The following UST variants were observed in gnomAD, a reference collection of about 807,000 sequenced individuals.
UST encodes uronyl 2-sulfotransferase, also known as chondroitin sulfate 2-O-sulfotransferase.
A neutral mutation model predicts 45.6 loss-of-function variants in UST; 21 were observed. That is an observed-to-expected ratio of 0.46 (90% CI 0.33 to 0.66). UST has a LOEUF of 0.66. UST is among the 30% of genes least tolerant of loss of function. UST has a pLI of 0.02. For synonymous variants in UST, 215 were observed against 200.6 expected, an observed-to-expected ratio of 1.07 and a Z score of -0.61; for missense variants, 463 against 512.4, an observed-to-expected ratio of 0.90 and a Z score of 0.93.
chr6:148,820,327 T>A (rs73778910), intron 1 of UST, among the ~76,000 whole-genome samples: 1,868 of 151,910 alleles, frequency 0.012, 26 homozygotes, highest in African/African-American at 0.043. Flanking sequence ...TGTGTGTGCA[T>A]ATACACATTC....
At chr6:149,065,545 A>G (rs528181411) in intron 7 of UST, among the ~76,000 whole-genome samples, 2 of 152,296 alleles carry the variant, frequency 1.3e-5, no homozygotes, top group South Asian at 4.1e-4. Context: ...GTTATGGTGC[A>G]GTACTTAAAG....
chr6:148,784,048 C>T (rs192433848), intron 1 of UST, among the ~76,000 whole-genome samples: 1 of 152,206 alleles, frequency 6.6e-6, no homozygotes, highest in East Asian at 1.9e-4. Flanking sequence ...CTGTAATTTA[C>T]GGCATATCAC....
intron 7 of UST, among the ~76,000 whole-genome samples, chr6:149,034,834 TTCTCTCTC>T (rs60813679): frequency 0.014 from 620 of 45,528 alleles, 5 homozygotes; most frequent in Admixed American, 0.021. Context: ...TTCATGCTCA[TTCTCTCTC>T]TCTCTCTCTC....
At chr6:148,818,572 C>T (rs960538476) in intron 1 of UST, among the ~76,000 whole-genome samples, 6 of 152,126 alleles carry the variant, frequency 3.9e-5, no homozygotes, top group African/African-American at 1.4e-4. Flanking sequence ...CAGGTTCAGA[C>T]GTAAATGTTT....
At chr6:148,920,865 G>A (rs1475409145) in intron 2 of UST, among the ~76,000 whole-genome samples, 2 of 152,216 alleles carry the variant, frequency 1.3e-5, no homozygotes, top group Non-Finnish European at 2.9e-5. Flanking sequence ...CTCTTTAAGA[G>A]ATGGTGTGTT....
At chr6:148,877,662 AGGGGTCATGTATG>A (rs1778708987) in intron 1 of UST, among the ~76,000 whole-genome samples, 1 of 27,972 alleles carries the variant, frequency 3.6e-5, no homozygotes, top group Non-Finnish European at 6.8e-5. Context: ...TATGAGTGCG[AGGGGTCATGTATG>A]AGTGCAGGGG....
intron 5 of UST, among the ~76,000 whole-genome samples, chr6:149,011,811 C>CA (rs1775816931): frequency 6.6e-6 from 1 of 151,972 alleles, no homozygotes; most frequent in African/African-American, 2.4e-5. Flanking sequence ...GACTTCATCT[C>CA]AAAAAACAAA....
In UST at chr6:148,844,584, A is replaced by T. The variant is rs148672892; in HGVS notation, c.248-42402A>T. On this transcript the variant is annotated intron_variant, in intron 1 of 7. Transcript: ENST00000367463. ...CTGTCTGCTCCAGCCACTCAGGATT[A>T]GGGCTGCCTGTTCTTTATTTAAATC... Among the ~76,000 whole-genome samples the T allele has an allele frequency of 6.4e-3, 968 of 152,260 alleles. 9 individuals are homozygous for T. Among genetic ancestry groups the T allele is most frequent in the African/African-American group, 0.022 (933 of 41,554 alleles).
chr6:149,075,741 G>A lies in UST; in HGVS notation c.*1625G>A, dbSNP rs1317279417. On this transcript the variant is annotated 3_prime_UTR_variant, in exon 8 of 8. Transcript: ENST00000367463. ...GAGGTTCAGTGGTGGCAGCAGGAAGGACACTGCCACAAATTTTGTCTATTT... is the reference window on the plus strand; with the variant it reads ...GAGGTTCAGTGGTGGCAGCAGGAAGAACACTGCCACAAATTTTGTCTATTT... The A allele has an allele frequency of 3.3e-5, 5 of 152,198 alleles. No homozygotes were observed. Among genetic ancestry groups the A allele is most frequent in the South Asian group, 2.1e-4 (1 of 4,830 alleles). 9.4% of individuals were successfully genotyped at this position (152,198 alleles called of 1,614,324 possible). A position where few individuals can be genotyped will look rare whatever the true frequency, so the allele number is the denominator to read the frequency against.
chr6:148,965,782 A>C (rs1266074566), intron 5 of UST, among the ~76,000 whole-genome samples: 2 of 151,802 alleles, frequency 1.3e-5, no homozygotes, highest in Non-Finnish European at 2.9e-5. Context: ...TCGGTATTTG[A>C]TCAACTACCT....
chr6:148,965,950 G>T (rs1404109305), intron 5 of UST, among the ~76,000 whole-genome samples: 1 of 148,846 alleles, frequency 6.7e-6, no homozygotes, highest in Non-Finnish European at 1.5e-5. Flanking sequence ...GAGGCCGGGC[G>T]CAGTGGCTCA....
intron 7 of UST, among the ~76,000 whole-genome samples, chr6:149,071,501 G>T (rs1776818055): frequency 2.0e-5 from 3 of 151,978 alleles, no homozygotes; most frequent in Non-Finnish European, 4.4e-5. Context: ...CAGGCAATAA[G>T]AAGAAAACAG....
At chr6:148,861,218 G>T (rs1048818982) in intron 1 of UST, among the ~76,000 whole-genome samples, 1 of 152,184 alleles carries the variant, frequency 6.6e-6, no homozygotes, top group South Asian at 2.1e-4. Context: ...TCCTGGTTTA[G>T]TCTTGGGGAG....
chr6:148,902,517 T>C (rs1779280412), intron 2 of UST, among the ~76,000 whole-genome samples: 1 of 152,192 alleles, frequency 6.6e-6, no homozygotes, highest in South Asian at 2.1e-4. Context: ...ATTACAGGCA[T>C]GAGCTATTGC....
At chr6:148,776,144 G>GA (rs1281386990) in intron 1 of UST, among the ~76,000 whole-genome samples, 2 of 151,590 alleles carry the variant, frequency 1.3e-5, no homozygotes, top group Non-Finnish European at 2.9e-5. Context: ...TCCTCTGAAG[G>GA]AAAAAAAATA....
chr6:148,853,061 C>T (rs937844147), intron 1 of UST, among the ~76,000 whole-genome samples: 6 of 152,146 alleles, frequency 3.9e-5, no homozygotes, highest in African/African-American at 7.2e-5. Flanking sequence ...CAACCCATCA[C>T]GTAGGTATTA....
chr6:148,859,476 G>A (rs1004688178), intron 1 of UST, among the ~76,000 whole-genome samples: 14 of 152,134 alleles, frequency 9.2e-5, no homozygotes, highest in African/African-American at 3.1e-4. Flanking sequence ...TTCTTTTGCT[G>A]TGCAGAAGCT....
At chr6:148,984,309 G>T (rs1178985521) in intron 5 of UST, among the ~76,000 whole-genome samples, 8 of 152,158 alleles carry the variant, frequency 5.3e-5, no homozygotes, top group Non-Finnish European at 1.0e-4. Flanking sequence ...TGGGAGAGAT[G>T]ATCAGGCTGT....
intron 1 of UST, among the ~76,000 whole-genome samples, chr6:148,755,581 A>G (rs1046780052): frequency 1.3e-5 from 2 of 151,374 alleles, no homozygotes; most frequent in Admixed American, 6.6e-5. Context: ...TAATTGAATC[A>G]TGGGGGCGGT....
Sources: allele counts gnomAD v4.1 joint callset (sites outside exome capture counted in the v4.1 genomes callset), GRCh38; gene constraint gnomAD v4.1.1; transcripts MANE v1.5; gene names NCBI Gene and HGNC (gene_info 2026-07-23, HGNC 2026-07-21).